PNLIPRP1: variants seen among roughly 807,000 people sequenced by gnomAD.
PNLIPRP1 encodes inactive pancreatic lipase-related protein 1.
PNLIPRP1 carries 57 observed loss-of-function variants against 54.6 expected under a neutral mutation model. The ratio of observed to expected loss-of-function variants is 1.04; its 90% CI spans 0.84 to 1.30. The LOEUF is 1.30. PNLIPRP1 is among the 50% of genes most tolerant of loss of function. PNLIPRP1 has a pLI of 0.00. For missense variants in PNLIPRP1, 567 were observed against 568.5 expected, an observed-to-expected ratio of 1.00 and a Z score of 0.03; for synonymous variants, 232 against 208.8, an observed-to-expected ratio of 1.11 and a Z score of -0.96.
At chr10:116,591,734 G>A (rs782058114) in intron 2 of PNLIPRP1, 37 bp from the exon 3 acceptor site, 22 of 1,610,642 alleles carry the variant, frequency 1.4e-5, no homozygotes, top group Non-Finnish European at 1.5e-5. Context: ...CACACCTTGA[G>A]AGCAAATCCT....
At position 116,605,517 on chromosome 10, in the gene PNLIPRP1, C is replaced by T. The variant is rs376339545; in HGVS notation, c.1304C>T (p.Thr435Ile). The part of the protein sequence containing the change: ...INPTLPKVGA[T>I]KITVQKGEEK... ...CCAACCCTCCCCAAAGTGGGTGCCA[C>T]CAAGATCACTGTGCAAAAGGGAGAA... Residue 435 changes from threonine (T) to isoleucine (I), a missense_variant, in exon 12 of 13, where the codon ACC becomes ATC. Transcript: ENST00000358834. 5.6e-6 allele frequency: 9 copies of T among 1,609,172 alleles called. No homozygotes were observed. Among genetic ancestry groups the T allele is most frequent in the African/African-American group, 5.3e-5 (4 of 74,838 alleles).
Position 116,600,087 on chromosome 10 carries a change from C to T in PNLIPRP1, c.855C>T (p.Tyr285=). The change falls in exon 9 of 13, where the codon TAC becomes TAT. Residue 285 remains tyrosine, a synonymous_variant. Transcript: ENST00000358834. ...TGGCTTGCAATCACCTAAGAAGCTA[C>T]AAGTATTACTTGGAAAGCATCCTCA... ...DFVACNHLRS[Y]KYYLESILNP... 1.9e-6 allele frequency: 3 copies of T among 1,614,084 alleles called. No individual in the cohort carries two copies. Among genetic ancestry groups the T allele is most frequent in the Non-Finnish European group, 2.5e-6 (3 of 1,179,974 alleles).
rs1177318547 is a variant in PNLIPRP1, at chr10:116,592,560, C to A, written c.330+19C>A. On this transcript the variant is annotated intron_variant, in intron 4 of 12. Transcript: ENST00000358834. ...GTGCAAGGTAGGAGCCAGCTCTGAT[C>A]CCTGTGGCCAGCTGAGGCCAACACT... 6 of 1,613,918 alleles carry A rather than the reference C, an allele frequency of 3.7e-6. No homozygotes were observed. Among genetic ancestry groups the A allele is most frequent in the South Asian group, 2.2e-5 (2 of 91,068 alleles).
At position 116,608,723 on chromosome 10, in the gene PNLIPRP1, G is replaced by A. The variant is rs372356019; in HGVS notation, c.1341-330G>A. ...AGTGACTGGAAGACAGCATCCCTCT[G>A]TAAGCCAGGCTGCTGGGCCTATGGA... On this transcript the variant is annotated intron_variant, in intron 12 of 12. Coordinates refer to ENST00000358834, the MANE Select transcript of PNLIPRP1 (RefSeq NM_006229.4). 3.9e-5 allele frequency among the ~76,000 whole-genome samples: 6 copies of A among 152,358 alleles called. No individual in the cohort carries two copies. The South Asian group carries it at 1.0e-3, about 26-fold the overall frequency.
In PNLIPRP1 at chr10:116,601,154, A is replaced by G. The variant is rs782580919; in HGVS notation, c.1016A>G (p.Glu339Gly). The change falls in exon 10 of 13, where the codon GAG becomes GGG. Residue 339 changes from glutamate (E) to glycine (G), a missense_variant. Physicochemically the swap from Glu to Gly is moderately conservative, Grantham distance 98. Transcript: ENST00000358834. ...ADKFAGRTSE[E>G]QQKFFLNTGE... ...AAATTTGCTGGCAGGACAAGTGAAG[A>G]GCAGCAGAAATTCTTCTTGAACACA... 3.1e-6 allele frequency: 5 copies of G among 1,614,152 alleles called. No homozygotes were observed. Among genetic ancestry groups the G allele is most frequent in the Non-Finnish European group, 4.2e-6 (5 of 1,180,000 alleles).
At position 116,607,288 on chromosome 10, in the gene PNLIPRP1, T is replaced by A. The variant is rs969587628; in HGVS notation, c.1340+1735T>A. Among the ~76,000 whole-genome samples the A allele has an allele frequency of 3.9e-5, 6 of 152,008 alleles. No homozygotes were observed. The East Asian group carries it at 1.2e-3, about 29-fold the overall frequency. ...GCAAATGACTTTATTCAGTACCTAT[T>A]GTATGGCCTGGCAAACAGTAAGGGA... On this transcript the variant is annotated intron_variant, in intron 12 of 12. Coordinates refer to ENST00000358834, the MANE Select transcript of PNLIPRP1 (RefSeq NM_006229.4).
At chr10:116,607,087 T>C (rs1847947720) in intron 12 of PNLIPRP1, among the ~76,000 whole-genome samples, 1 of 151,902 alleles carries the variant, frequency 6.6e-6, no homozygotes, top group African/African-American at 2.4e-5. Flanking sequence ...GTCCAAGCTC[T>C]TCTCAGAATC....
intron 9 of PNLIPRP1, 27 bp from the exon 10 acceptor site, chr10:116,601,045 A>G (rs781976473): frequency 1.3e-6 from 2 of 1,591,864 alleles, no homozygotes; most frequent in East Asian, 4.5e-5. Context: ...AATTCTCCTT[A>G]CAGTCCCATC....
At chr10:116,592,030 C>T in intron 3 of PNLIPRP1, 105 bp downstream of exon 3, 5 of 1,247,780 alleles carry the variant, frequency 4.0e-6, no homozygotes, top group African/African-American at 1.5e-5. Flanking sequence ...CACCATGCCC[C>T]ACCCCATCCC....
intron 2 of PNLIPRP1, 23 bp downstream of exon 2, chr10:116,591,201 C>G (rs202093131): frequency 1.2e-6 from 2 of 1,600,286 alleles, no homozygotes; most frequent in Non-Finnish European, 1.7e-6. Context: ...ACTCCTGCCC[C>G]GTAGGAAGGG....
At chr10:116,603,899 T>A (rs564162344) in intron 10 of PNLIPRP1, 131 bp from the exon 11 acceptor site, 3 of 499,304 alleles carry the variant, frequency 6.0e-6, no homozygotes, top group Admixed American at 3.6e-5. Context: ...TCTCAAAAAA[T>A]AATAATAATA....
Position 116,600,147 on chromosome 10 carries a change from C to T in PNLIPRP1, c.915C>T (p.Ser305=). Residue 305 remains serine, a synonymous_variant, in exon 9 of 13, where the codon TCC becomes TCT. Coordinates refer to ENST00000358834, the MANE Select transcript of PNLIPRP1 (RefSeq NM_006229.4). Reference sequence around the variant, plus strand: ...GGTTTGCTGCATATCCCTGCACTTCCTACAAGTCCTTTGAGTCTGTAAGCT... The same window carrying T: ...GGTTTGCTGCATATCCCTGCACTTCTTACAAGTCCTTTGAGTCTGTAAGCT... The part of the protein sequence containing the change: ...PDGFAAYPCT[S]YKSFESDKCF... 1.2e-6 allele frequency: 2 copies of T among 1,609,376 alleles called. No individual in the cohort carries two copies. The highest frequency in any genetic ancestry group is 1.7e-6 in the Non-Finnish European group (2 of 1,175,742).
chr10:116,597,875 C>A lies in PNLIPRP1; in HGVS notation c.622C>A (p.Arg208=), dbSNP rs782684795. 1.9e-5 allele frequency: 30 copies of A among 1,613,982 alleles called. No individual in the cohort carries two copies. The East Asian group carries it at 6.0e-4, about 32-fold the overall frequency. The change falls in exon 7 of 13, where the codon CGA becomes AGA. Residue 208 remains arginine, a synonymous_variant. Transcript: ENST00000358834. ...TTTCGAGAGTACTCCTGAAGAGGTG[C>A]GACTTGATCCCTCTGATGCTGACTT... ...ASFESTPEEV[R]LDPSDADFVD...
Position 116,596,268 on chromosome 10 carries a change from G to A in PNLIPRP1, c.520G>A (p.Ala174Thr). 6.2e-7 allele frequency: 1 copy of A among 1,614,020 alleles called. No homozygotes were observed. The highest frequency in any genetic ancestry group is 1.7e-5 in the Admixed American group (1 of 60,024). The change falls in exon 6 of 13, where the codon GCC becomes ACC. Residue 174 changes from alanine to threonine, a missense_variant. Transcript: ENST00000358834. ...KVHLIGHSLGAHVAGEAGSKT... is the reference protein window; with the variant it reads ...KVHLIGHSLGTHVAGEAGSKT... ...TCACCTCATTGGCCACAGCCTGGGA[G>A]CCCACGTGGCTGGAGAGGCAGGAAG...
intron 5 of PNLIPRP1, chr10:116,595,559 T>A (rs1214588328): frequency 6.5e-6 from 1 of 153,016 alleles, no homozygotes; most frequent in African/African-American, 2.4e-5. Context: ...GCAAGAAGTA[T>A]GATAGACCAA....
rs781825849 is a variant in PNLIPRP1 at position 116,592,455 on chromosome 10, A to C, written c.244A>C (p.Asn82His). ...LSDPSTIEAS[N>H]FQMDRKTRFI... ...TGATCCATCAACAATTGAGGCATCA[A>C]ATTTTCAAATGGACAGAAAGACCCG... Residue 82 changes from asparagine to histidine, a missense_variant, in exon 4 of 13, where the codon AAT becomes CAT. Asn to His is a moderately conservative substitution (Grantham distance 68). Transcript: ENST00000358834. The C allele has an allele frequency of 1.9e-6, 3 of 1,613,362 alleles. No individual in the cohort carries two copies. The highest frequency in any genetic ancestry group is 2.2e-5 in the East Asian group (1 of 44,864).
rs1554865475 is a variant in PNLIPRP1 at position 116,605,526 on chromosome 10, C to T, written c.1313C>T (p.Thr438Ile). ...CCCAAAGTGGGTGCCACCAAGATCA[C>T]TGTGCAAAAGGGAGAAGAGAAGACA... ...TLPKVGATKI[T>I]VQKGEEKTVY... Residue 438 changes from threonine (T) to isoleucine (I), a missense_variant, in exon 12 of 13, where the codon ACT becomes ATT. Coordinates refer to ENST00000358834, the MANE Select transcript of PNLIPRP1 (RefSeq NM_006229.4). 1.2e-6 allele frequency: 2 copies of T among 1,608,396 alleles called. No homozygotes were observed. Among genetic ancestry groups the T allele is most frequent in the Non-Finnish European group, 1.7e-6 (2 of 1,176,302 alleles).
chr10:116,597,490 C>T (rs1847756240), intron 6 of PNLIPRP1, among the ~76,000 whole-genome samples: 1 of 152,192 alleles, frequency 6.6e-6, no homozygotes, highest in South Asian at 2.1e-4. Flanking sequence ...TGCTTCACCC[C>T]TTTCTTTCTA....
intron 11 of PNLIPRP1, among the ~76,000 whole-genome samples, chr10:116,604,781 C>T (rs913685627): frequency 2.7e-5 from 4 of 150,868 alleles, no homozygotes; most frequent in Non-Finnish European, 5.9e-5. Context: ...CTCCGCCTCC[C>T]GGGTTCAAGA....
Sources: allele counts gnomAD v4.1 joint callset (sites outside exome capture counted in the v4.1 genomes callset), GRCh38; gene constraint gnomAD v4.1.1; transcripts MANE v1.5; gene names NCBI Gene and HGNC (gene_info 2026-07-23, HGNC 2026-07-21).